IL1RAPL2: variants seen among roughly 807,000 people sequenced by gnomAD.
The protein encoded by IL1RAPL2 is interleukin 1 receptor accessory protein like 2.
In IL1RAPL2, 3 loss-of-function variants were observed where a neutral mutation model predicts 44.1. That is an observed-to-expected ratio of 0.07 (90% CI 0.03 to 0.18). IL1RAPL2 has a LOEUF of 0.18. IL1RAPL2 is among the 10% of genes least tolerant of loss of function. The pLI is 1.00. For missense variants in IL1RAPL2, 391 were observed against 496.4 expected (o/e 0.79, Z 2.02); for synonymous variants, 181 against 178.8 (o/e 1.01, Z -0.10).
intron 5 of IL1RAPL2, among the ~76,000 whole-genome samples, chrX:105,447,106 T>TATATATATAA (rs1466812826): frequency 1.5e-4 from 5 of 33,207 alleles, no homozygotes; most frequent in African/African-American, 3.3e-4. Flanking sequence ...TATATATATA[T>TATATATATAA]AAAAATATAT....
At chrX:104,946,713 A>C (rs1350327099) in intron 2 of IL1RAPL2, among the ~76,000 whole-genome samples, 1 of 100,679 alleles carries the variant, frequency 9.9e-6, no homozygotes, top group South Asian at 5.0e-4. Context: ...ATGATTTCCA[A>C]TTTCATCCAT....
intron 2 of IL1RAPL2, among the ~76,000 whole-genome samples, chrX:105,078,665 C>G (rs1404339193): frequency 8.9e-6 from 1 of 112,679 alleles, no homozygotes; most frequent in Non-Finnish European, 1.9e-5. Flanking sequence ...CCTCCTTGAG[C>G]TGTGGTGGGC....
chrX:104,934,538 A>T (rs1924983947), intron 2 of IL1RAPL2, among the ~76,000 whole-genome samples: 2 of 111,700 alleles, frequency 1.8e-5, no homozygotes. Flanking sequence ...AAAGCAGTGA[A>T]AAAGACGAAG....
intron 2 of IL1RAPL2, among the ~76,000 whole-genome samples, chrX:104,705,797 A>G (rs1282230892): frequency 9.0e-6 from 1 of 111,539 alleles, no homozygotes; most frequent in Non-Finnish European, 1.9e-5. Context: ...ATGATGGTGA[A>G]GGACCTTTGA....
At chrX:105,243,403 G>A (rs2034188600) in intron 4 of IL1RAPL2, among the ~76,000 whole-genome samples, 1 of 109,222 alleles carries the variant, frequency 9.2e-6, no homozygotes, top group African/African-American at 3.3e-5. Flanking sequence ...ATCCAGAACT[G>A]TGAATCAATT....
intron 1 of IL1RAPL2, among the ~76,000 whole-genome samples, chrX:104,642,357 C>T (rs984338204): frequency 1.8e-5 from 2 of 112,315 alleles, no homozygotes; most frequent in Non-Finnish European, 3.8e-5. Flanking sequence ...TGTAATATTC[C>T]ACCATATGGG....
chrX:105,215,157 A>T (rs782144673), intron 3 of IL1RAPL2, among the ~76,000 whole-genome samples: 1 of 112,293 alleles, frequency 8.9e-6, no homozygotes, highest in African/African-American at 3.2e-5. Context: ...CCTTCAAAGA[A>T]TCAATGAATC....
chrX:104,722,706 A>G (rs1931705043), intron 2 of IL1RAPL2, among the ~76,000 whole-genome samples: 1 of 111,459 alleles, frequency 9.0e-6, no homozygotes. Flanking sequence ...AAGCAGATCA[A>G]ATATTTTCTC....
rs149743248 is a variant in IL1RAPL2 at position 104,791,749 on chromosome X, C to G, written c.82+132754C>G. Among the ~76,000 whole-genome samples, 394 of 111,445 alleles carry G rather than the reference C, an allele frequency of 3.5e-3. 2 individuals are homozygous for G. The highest frequency in any genetic ancestry group is 0.012 in the African/African-American group (369 of 30,667). ...AGTAGCAGAACATGTGAATAACTTT[C>G]TGTGTGACCTTAGGCTACTCCCTTC... On this transcript the variant is annotated intron_variant, in intron 2 of 10. Coordinates refer to ENST00000372582, the MANE Select transcript of IL1RAPL2 (RefSeq NM_017416.2).
chrX:104,907,077 A>G (rs1281340681), intron 2 of IL1RAPL2, among the ~76,000 whole-genome samples: 1 of 110,650 alleles, frequency 9.0e-6, no homozygotes, highest in Non-Finnish European at 1.9e-5. Flanking sequence ...TAGATTTTCT[A>G]GTTTATTTGC....
At chrX:105,747,921 G>C (rs2038563254) in intron 8 of IL1RAPL2, among the ~76,000 whole-genome samples, 1 of 111,018 alleles carries the variant, frequency 9.0e-6, no homozygotes, top group Admixed American at 9.6e-5. Context: ...ACGTTAAAGG[G>C]AGGTTAGGTA....
chrX:105,350,175 G>T (rs1376412537), intron 5 of IL1RAPL2, among the ~76,000 whole-genome samples: 1 of 111,848 alleles, frequency 8.9e-6, no homozygotes, highest in Non-Finnish European at 1.9e-5. Context: ...TTGAAACGTA[G>T]CTTTGATAGT....
intron 2 of IL1RAPL2, among the ~76,000 whole-genome samples, chrX:104,933,208 T>C (rs910087500): frequency 1.8e-5 from 2 of 111,417 alleles, no homozygotes; most frequent in South Asian, 3.8e-4. Context: ...ACATGGCACA[T>C]GTATACCTAT....
chrX:105,597,176 A>G (rs975725254), intron 6 of IL1RAPL2, among the ~76,000 whole-genome samples: 2 of 112,146 alleles, frequency 1.8e-5, no homozygotes, highest in Admixed American at 1.9e-4. Flanking sequence ...ATTTCTACAA[A>G]GAAGACATAA....
chrX:104,673,426 C>A (rs1356486629), intron 2 of IL1RAPL2, among the ~76,000 whole-genome samples: 1 of 110,941 alleles, frequency 9.0e-6, no homozygotes, highest in Non-Finnish European at 1.9e-5. Flanking sequence ...GGCGTTATTT[C>A]TGAGGGCTCT....
intron 6 of IL1RAPL2, among the ~76,000 whole-genome samples, chrX:105,661,361 G>C (rs776124480): frequency 8.9e-6 from 1 of 111,813 alleles, no homozygotes; most frequent in Admixed American, 9.5e-5. Context: ...GCCTTGGACA[G>C]GCCTTCCAGA....
At chrX:105,588,946 G>A in intron 6 of IL1RAPL2, among the ~76,000 whole-genome samples, 1 of 111,654 alleles carries the variant, frequency 9.0e-6, no homozygotes, top group Non-Finnish European at 1.9e-5. Flanking sequence ...TCTGTTTTAA[G>A]TTCTTTGAGA....
At chrX:105,355,904 T>A (rs1297796168) in intron 5 of IL1RAPL2, among the ~76,000 whole-genome samples, 1 of 110,871 alleles carries the variant, frequency 9.0e-6, no homozygotes, top group Non-Finnish European at 1.9e-5. Context: ...AAACATAGAA[T>A]GCAGCACAAC....
chrX:104,917,595 C>A (rs1365654210), intron 2 of IL1RAPL2, among the ~76,000 whole-genome samples: 1 of 111,828 alleles, frequency 8.9e-6, no homozygotes, highest in African/African-American at 3.2e-5. Context: ...ATGGACCAGG[C>A]AAAAACAACC....
Sources: allele counts gnomAD v4.1 joint callset (sites outside exome capture counted in the v4.1 genomes callset), GRCh38; gene constraint gnomAD v4.1.1; transcripts MANE v1.5; gene names NCBI Gene and HGNC (gene_info 2026-07-23, HGNC 2026-07-21).